The following SLC35F1 variants were observed in gnomAD, a reference collection of about 807,000 sequenced individuals.
SLC35F1 encodes the protein solute carrier family 35 member F1.
A neutral mutation model predicts 48.7 loss-of-function variants in SLC35F1; 14 were observed. The observed-to-expected ratio is 0.29, with a 90% confidence interval of 0.19 to 0.45. The LOEUF is 0.45. Among genes scored for constraint, SLC35F1 ranks in the 20% least tolerant of loss-of-function variants. The pLI is 1.00. For synonymous variants in SLC35F1, 190 were observed against 202.2 expected, an observed-to-expected ratio of 0.94 and a Z score of 0.51; for missense variants, 404 against 500.0, an observed-to-expected ratio of 0.81 and a Z score of 1.83.
At chr6:118,183,832 A>G (rs1774619059) in intron 2 of SLC35F1, among the ~76,000 whole-genome samples, 1 of 152,196 alleles carries the variant, frequency 6.6e-6, no homozygotes, top group Non-Finnish European at 1.5e-5. Flanking sequence ...TCTTCCAGCC[A>G]TAATCTTTTA....
chr6:118,282,655 C>T (rs1473438593), intron 6 of SLC35F1, among the ~76,000 whole-genome samples: 2 of 152,170 alleles, frequency 1.3e-5, no homozygotes, highest in Non-Finnish European at 2.9e-5. Flanking sequence ...TTTTATTTCT[C>T]CTGAAAATCT....
At chr6:117,995,554 A>G (rs1307585574) in intron 1 of SLC35F1, among the ~76,000 whole-genome samples, 2 of 152,286 alleles carry the variant, frequency 1.3e-5, no homozygotes, top group African/African-American at 4.8e-5. Context: ...CTGCCTGGCC[A>G]ACATGGTGAA....
At chr6:118,035,485 A>G (rs1772113269) in intron 1 of SLC35F1, among the ~76,000 whole-genome samples, 1 of 151,010 alleles carries the variant, frequency 6.6e-6, no homozygotes, top group Non-Finnish European at 1.5e-5. Flanking sequence ...ATGGTGGCAC[A>G]TGCCCGTAAT....
intron 1 of SLC35F1, among the ~76,000 whole-genome samples, chr6:118,020,769 C>A (rs752531069): frequency 7.2e-5 from 11 of 152,050 alleles, no homozygotes; most frequent in Non-Finnish European, 1.3e-4. Context: ...AAGAGTTGGG[C>A]TTGAGTAGGT....
intron 3 of SLC35F1, among the ~76,000 whole-genome samples, chr6:118,239,817 G>T (rs1775413097): frequency 6.6e-6 from 1 of 152,134 alleles, no homozygotes; most frequent in Non-Finnish European, 1.5e-5. Context: ...TACTGAGCAA[G>T]GAACAGGGAA....
intron 1 of SLC35F1, among the ~76,000 whole-genome samples, chr6:118,145,493 G>T (rs1321428820): frequency 6.6e-6 from 1 of 152,078 alleles, no homozygotes; most frequent in African/African-American, 2.4e-5. Context: ...CACAAAAAAG[G>T]TCAATTAAAA....
intron 1 of SLC35F1, among the ~76,000 whole-genome samples, chr6:117,923,453 A>T (rs1775928298): frequency 1.3e-5 from 2 of 150,322 alleles, no homozygotes; most frequent in African/African-American, 4.9e-5. Flanking sequence ...GGTTTTCTGT[A>T]CTGGAATAGA....
intron 2 of SLC35F1, among the ~76,000 whole-genome samples, chr6:118,156,042 G>T (rs1159225711): frequency 6.6e-6 from 1 of 152,126 alleles, no homozygotes; most frequent in Admixed American, 6.5e-5. Context: ...TATTGTAGAA[G>T]CTAATTTTAT....
At chr6:118,258,907 G>C (rs1271471873) in intron 3 of SLC35F1, among the ~76,000 whole-genome samples, 1 of 151,720 alleles carries the variant, frequency 6.6e-6, no homozygotes, top group Non-Finnish European at 1.5e-5. Context: ...GTTAAAAAAG[G>C]AATCATAAAT....
At chr6:118,113,479 A>G (rs902182711) in intron 1 of SLC35F1, among the ~76,000 whole-genome samples, 97 of 151,968 alleles carry the variant, frequency 6.4e-4, no homozygotes, top group Non-Finnish European at 2.6e-4. Flanking sequence ...GGGGCTATCT[A>G]TGTGTGGGGG....
intron 2 of SLC35F1, among the ~76,000 whole-genome samples, chr6:118,201,528 TG>T (rs1405490007): frequency 6.6e-6 from 1 of 152,232 alleles, no homozygotes; most frequent in Non-Finnish European, 1.5e-5. Flanking sequence ...CCTGTTACAA[TG>T]CAGTTGATGA....
At chr6:118,262,780 ATGT>A (rs1775728373) in intron 3 of SLC35F1, among the ~76,000 whole-genome samples, 1 of 152,172 alleles carries the variant, frequency 6.6e-6, no homozygotes, top group South Asian at 2.1e-4. Flanking sequence ...CCAACTGTAA[ATGT>A]TGTTTAAAAC....
chr6:118,209,995 G>T (rs879538088), intron 2 of SLC35F1, among the ~76,000 whole-genome samples: 1 of 152,132 alleles, frequency 6.6e-6, no homozygotes, highest in Non-Finnish European at 1.5e-5. Context: ...TCATTTAAAT[G>T]GCCTGCTATA....
At chr6:118,221,970 TTA>T (rs1775157287) in intron 2 of SLC35F1, among the ~76,000 whole-genome samples, 1 of 19,400 alleles carries the variant, frequency 5.2e-5, no homozygotes, top group African/African-American at 1.4e-4. Flanking sequence ...TACAATTTTT[TTA>T]TAGTTTTTTT....
chr6:118,216,083 T>TG (rs55691750), intron 2 of SLC35F1, among the ~76,000 whole-genome samples: 4,153 of 111,370 alleles, frequency 0.037, 120 homozygotes, highest in Middle Eastern at 0.11. Context: ...TTTTTTGTTT[T>TG]TTGTTTTTTT....
At chr6:118,049,320 T>C (rs1234092705) in intron 1 of SLC35F1, among the ~76,000 whole-genome samples, 1 of 152,090 alleles carries the variant, frequency 6.6e-6, no homozygotes, top group African/African-American at 2.4e-5. Context: ...ACTTCATGGC[T>C]AAAACACCAA....
intron 1 of SLC35F1, among the ~76,000 whole-genome samples, chr6:117,924,820 A>T (rs1315170117): frequency 3.3e-5 from 5 of 152,152 alleles, no homozygotes; most frequent in Non-Finnish European, 7.4e-5. Flanking sequence ...TACATTTTTG[A>T]TATCATTTGT....
chr6:118,241,747 C>G (rs918497962), intron 3 of SLC35F1, among the ~76,000 whole-genome samples: 1 of 152,212 alleles, frequency 6.6e-6, no homozygotes, highest in Non-Finnish European at 1.5e-5. Flanking sequence ...ATCTCTGTCA[C>G]TGGCAACCAC....
chr6:118,297,697 A>G (rs1776208026), intron 7 of SLC35F1, among the ~76,000 whole-genome samples: 1 of 143,178 alleles, frequency 7.0e-6, no homozygotes, highest in African/African-American at 2.6e-5. Context: ...TATATTATAT[A>G]TATAAGTTCT....
Sources: gnomAD v4.1 joint callset for allele counts (sites outside exome capture counted in the v4.1 genomes callset) on GRCh38, gnomAD v4.1.1 for gene constraint, MANE v1.5 for transcripts, NCBI Gene and HGNC (gene_info 2026-07-23, HGNC 2026-07-21) for gene names.